Variants in SGCD observed in about 807,000 individuals in gnomAD.
The protein encoded by SGCD is sarcoglycan delta, also known as delta-sarcoglycan.
In SGCD, 18 loss-of-function variants were observed where a neutral mutation model predicts 36.6. That is an observed-to-expected ratio of 0.49 (90% CI 0.34 to 0.73). The LOEUF (loss-of-function observed/expected upper bound fraction) is 0.73, where lower values mean the gene tolerates loss of function less well. Among genes scored for constraint, SGCD ranks in the 30% least tolerant of loss-of-function variants. The pLI, the probability that SGCD is intolerant of heterozygous loss-of-function variation, is 0.01. For synonymous variants in SGCD, 133 were observed against 130.6 expected (o/e 1.02, Z -0.12); for missense variants, 387 against 346.7 (o/e 1.12, Z -0.92).
the SGCD span, among the ~76,000 whole-genome samples, chr5:155,750,835 TTGCTA>T: frequency 6.6e-6 from 1 of 152,130 alleles, no homozygotes; most frequent in Non-Finnish European, 1.5e-5. Context: ...CAGTTGTCAT[TTGCTA>T]GTTCATAACA....
At chr5:155,784,093 C>A in the SGCD span, among the ~76,000 whole-genome samples, 1 of 152,116 alleles carries the variant, frequency 6.6e-6, no homozygotes, top group Non-Finnish European at 1.5e-5. Flanking sequence ...TAAGAAGAAA[C>A]AAATAAAGAT....
intron 3 of SGCD, among the ~76,000 whole-genome samples, chr5:156,136,557 T>C (rs1478570498): frequency 6.6e-6 from 1 of 152,186 alleles, no homozygotes; most frequent in African/African-American, 2.4e-5. Context: ...GCCCTTTCTG[T>C]AGTGATATAG....
rs113973203 is a variant in SGCD, at chr5:156,090,266, C to T, written c.-281-27612C>T. ...TGGCTCTGTGAGCATACACTACTAT[C>T]GGGAGAACCAGCCTCCAATATTTCA... On this transcript the variant is annotated intron_variant, in intron 1 of 9. Coordinates refer to the SGCD transcript ENST00000517913. 3.7e-4 allele frequency among the ~76,000 whole-genome samples: 57 copies of T among 152,230 alleles called. 1 individual carries two copies. The East Asian group carries it at 4.3e-3, about 11-fold the overall frequency.
intron 3 of SGCD, among the ~76,000 whole-genome samples, chr5:156,140,853 A>G (rs766740105): frequency 3.9e-5 from 6 of 152,208 alleles, no homozygotes; most frequent in Non-Finnish European, 7.3e-5. Flanking sequence ...CTATTCATAA[A>G]AGAGAATCAA....
At chr5:156,148,304 G>C (rs1177837729) in intron 3 of SGCD, among the ~76,000 whole-genome samples, 1 of 152,130 alleles carries the variant, frequency 6.6e-6, no homozygotes, top group Non-Finnish European at 1.5e-5. Flanking sequence ...CTGGAAACTG[G>C]GGTACCTTTG....
At chr5:156,035,129 C>T (rs1759455079) in intron 1 of SGCD, among the ~76,000 whole-genome samples, 1 of 152,106 alleles carries the variant, frequency 6.6e-6, no homozygotes, top group African/African-American at 2.4e-5. Context: ...GAATTTAATC[C>T]TAAGGTGTTT....
chr5:156,137,303 G>A (rs1762483416), intron 3 of SGCD, among the ~76,000 whole-genome samples: 1 of 152,212 alleles, frequency 6.6e-6, no homozygotes, highest in African/African-American at 2.4e-5. Context: ...ATGTGCCCAT[G>A]AAGCCACAGT....
upstream of SGCD, among the ~76,000 whole-genome samples, chr5:155,866,897 A>C (rs532444324): frequency 2.2e-4 from 33 of 152,322 alleles, no homozygotes; most frequent in South Asian, 6.2e-3. Context: ...ACTTTGGAGA[A>C]AGTGTAAACT....
chr5:155,956,806 C>A lies in SGCD; in HGVS notation c.-282+86382C>A, dbSNP rs891911. Among the ~76,000 whole-genome samples the A allele has an allele frequency of 5.4e-4, 81 of 150,060 alleles. 3 individuals are homozygous for A. In the East Asian group the frequency reaches 0.013, roughly 25 times the overall value. ...TTTTGTTGGACTCAGGGCCCCCCCC[C>A]CCGGTTAATCCAGGATGATCTAATC... On this transcript the variant is annotated intron_variant, in intron 1 of 9. Transcript: ENST00000517913.
At chr5:156,653,493 C>CTTTTTTGTTTTTTTTTTTTTTT (rs1763546153) in intron 7 of SGCD, among the ~76,000 whole-genome samples, 1 of 48,082 alleles carries the variant, frequency 2.1e-5, no homozygotes, top group African/African-American at 6.4e-5. Context: ...CTAAAGCTTG[C>CTTTTTTGTTTTTTTTTTTTTTT]TTTTTTTTTT....
At chr5:155,800,562 G>C in the SGCD span, among the ~76,000 whole-genome samples, 1 of 147,044 alleles carries the variant, frequency 6.8e-6, no homozygotes, top group African/African-American at 2.5e-5. Flanking sequence ...AGGTAAACTT[G>C]TTCTTTTGCC....
At chr5:156,484,032 G>A (rs887895595) in intron 3 of SGCD, among the ~76,000 whole-genome samples, 4 of 152,144 alleles carry the variant, frequency 2.6e-5, no homozygotes, top group East Asian at 3.9e-4. Context: ...CCCAGAAACC[G>A]GCCCTTTCTA....
the SGCD span, among the ~76,000 whole-genome samples, chr5:155,801,455 G>C: frequency 1.3e-5 from 2 of 152,100 alleles, no homozygotes; most frequent in Admixed American, 6.6e-5. Flanking sequence ...TTATAGATCT[G>C]CAATTATCAT....
intron 7 of SGCD, among the ~76,000 whole-genome samples, chr5:156,702,313 A>T (rs1170921840): frequency 6.6e-6 from 1 of 152,108 alleles, no homozygotes; most frequent in Non-Finnish European, 1.5e-5. Context: ...ATGGAGGCCT[A>T]CATTTCTAGT....
At chr5:155,888,451 C>T (rs1756054096) in intron 1 of SGCD, among the ~76,000 whole-genome samples, 1 of 152,170 alleles carries the variant, frequency 6.6e-6, no homozygotes, top group African/African-American at 2.4e-5. Flanking sequence ...GAAAAGCACA[C>T]ACATTTATCC....
chr5:156,408,358 ATTTTTTT>A (rs199533412), intron 3 of SGCD, among the ~76,000 whole-genome samples: 1 of 139,008 alleles, frequency 7.2e-6, no homozygotes, highest in African/African-American at 2.6e-5. Context: ...CCCAAGTTGG[ATTTTTTT>A]TTTTTTTTTT....
At chr5:156,475,772 T>A (rs545267482) in intron 3 of SGCD, among the ~76,000 whole-genome samples, 2 of 152,180 alleles carry the variant, frequency 1.3e-5, no homozygotes, top group South Asian at 4.1e-4. Flanking sequence ...CTCAGCACAT[T>A]ACAAGGAATT....
At position 156,053,311 on chromosome 5, in the gene SGCD, A is replaced by G. The variant is rs544155883; in HGVS notation, c.-281-64567A>G. Among the ~76,000 whole-genome samples the G allele has an allele frequency of 4.6e-4, 67 of 145,944 alleles. 14 individuals carry two copies. The highest frequency in any genetic ancestry group is 9.0e-4 in the Non-Finnish European group (58 of 64,750). ...TCCCCGGCCATGTAACATGGTCACC[A>G]TCCTGGACAGAGGGCAGCAGCTGTC... On this transcript the variant is annotated intron_variant, in intron 1 of 9. Transcript: ENST00000517913.
At chr5:156,618,480 C>T (rs1037807949) in intron 6 of SGCD, among the ~76,000 whole-genome samples, 6 of 150,968 alleles carry the variant, frequency 4.0e-5, no homozygotes, top group Non-Finnish European at 7.4e-5. Context: ...ACTGAACAAC[C>T]ACGACCTAAT....
Sources: gnomAD v4.1 joint callset for allele counts (sites outside exome capture counted in the v4.1 genomes callset) on GRCh38, gnomAD v4.1.1 for gene constraint, MANE v1.5 for transcripts, NCBI Gene and HGNC (gene_info 2026-07-23, HGNC 2026-07-21) for gene names.